MAGI2: variants seen among roughly 807,000 people sequenced by gnomAD.
MAGI2 encodes membrane-associated guanylate kinase, WW and PDZ domain-containing protein 2.
MAGI2 carries 35 observed loss-of-function variants against 133.3 expected under a neutral mutation model. The ratio of observed to expected loss-of-function variants is 0.26; its 90% CI spans 0.20 to 0.35. The LOEUF (loss-of-function observed/expected upper bound fraction) is 0.35, where lower values mean the gene tolerates loss of function less well. MAGI2 is among the 10% of genes least tolerant of loss of function. MAGI2 has a pLI of 1.00. For synonymous variants in MAGI2, 729 were observed against 710.6 expected, an observed-to-expected ratio of 1.03 and a Z score of -0.41; for missense variants, 1,636 against 1,863.4, an observed-to-expected ratio of 0.88 and a Z score of 2.25.
At chr7:78,136,154 C>T (rs867976097) in intron 16 of MAGI2, among the ~76,000 whole-genome samples, 2 of 150,028 alleles carry the variant, frequency 1.3e-5, no homozygotes, top group East Asian at 3.9e-4. Flanking sequence ...CTCACTCTGT[C>T]GCCCAGGCTG....
intron 6 of MAGI2, among the ~76,000 whole-genome samples, chr7:78,437,710 C>T (rs768166101): frequency 3.3e-5 from 5 of 152,182 alleles, no homozygotes; most frequent in Non-Finnish European, 7.3e-5. Flanking sequence ...GATAACATGA[C>T]ATGACCACTG....
At chr7:78,336,383 G>A (rs1789764124) in intron 9 of MAGI2, among the ~76,000 whole-genome samples, 1 of 152,138 alleles carries the variant, frequency 6.6e-6, no homozygotes, top group South Asian at 2.1e-4. Context: ...CACTGAAAGA[G>A]CAGTGATATC....
intron 1 of MAGI2, among the ~76,000 whole-genome samples, chr7:79,450,541 A>G (rs899363752): frequency 6.6e-6 from 1 of 152,140 alleles, no homozygotes; most frequent in Admixed American, 6.5e-5. Flanking sequence ...CTCTCTGGCT[A>G]TCATTATACA....
intron 2 of MAGI2, among the ~76,000 whole-genome samples, chr7:78,955,700 CCTTT>C (rs1212475172): frequency 1.3e-4 from 7 of 55,196 alleles, no homozygotes; most frequent in African/African-American, 2.2e-4. Context: ...TTTCTCTCTC[CCTTT>C]CTTTCTTTTT....
At chr7:78,577,364 A>G (rs1403013293) in intron 3 of MAGI2, among the ~76,000 whole-genome samples, 1 of 152,206 alleles carries the variant, frequency 6.6e-6, no homozygotes, top group Non-Finnish European at 1.5e-5. Context: ...AAAGATTAAT[A>G]TGAGTCAGCA....
At chr7:78,732,055 G>T (rs1020996045) in intron 2 of MAGI2, among the ~76,000 whole-genome samples, 2 of 149,854 alleles carry the variant, frequency 1.3e-5, no homozygotes, top group Non-Finnish European at 2.9e-5. Flanking sequence ...GCAAAAGAAA[G>T]AATGAGAGAG....
chr7:79,192,890 A>T (rs1827793875), intron 1 of MAGI2, among the ~76,000 whole-genome samples: 1 of 151,894 alleles, frequency 6.6e-6, no homozygotes, highest in African/African-American at 2.4e-5. Flanking sequence ...GGGAGAGAGC[A>T]AAACAGAGGA....
At chr7:78,772,653 G>A (rs546870879) in intron 2 of MAGI2, among the ~76,000 whole-genome samples, 4 of 152,252 alleles carry the variant, frequency 2.6e-5, no homozygotes, top group African/African-American at 9.6e-5. Context: ...ACTATTCACT[G>A]TTCTTGCTGG....
chr7:78,105,150 C>T (rs1818556999), intron 20 of MAGI2, among the ~76,000 whole-genome samples: 1 of 152,028 alleles, frequency 6.6e-6, no homozygotes. Flanking sequence ...TTTAGCTCAA[C>T]ATTGTGAAAT....
chr7:79,443,295 TG>T, intron 1 of MAGI2, among the ~76,000 whole-genome samples: 3 of 151,122 alleles, frequency 2.0e-5, no homozygotes, highest in Non-Finnish European at 4.4e-5. Flanking sequence ...CGTGTGTGTG[TG>T]TGTGTGTGTG....
chr7:78,808,623 C>A (rs760762099), intron 2 of MAGI2, among the ~76,000 whole-genome samples: 7 of 152,150 alleles, frequency 4.6e-5, no homozygotes, highest in Non-Finnish European at 1.0e-4. Flanking sequence ...AACAAAGGAA[C>A]AGAATGTGAA....
At chr7:78,518,080 T>C (rs1431256770) in intron 4 of MAGI2, 1 of 152,146 alleles carries the variant, frequency 6.6e-6, no homozygotes, top group Non-Finnish European at 1.5e-5. Flanking sequence ...AAGTTTTGGT[T>C]AAATATATAT....
chr7:79,100,986 A>G (rs756324837), intron 1 of MAGI2, among the ~76,000 whole-genome samples: 3 of 152,044 alleles, frequency 2.0e-5, no homozygotes, highest in Non-Finnish European at 2.9e-5. Flanking sequence ...ATTATGTTAC[A>G]TTGATTTTAT....
At chr7:78,314,947 G>A (rs1180785365) in intron 9 of MAGI2, among the ~76,000 whole-genome samples, 10 of 152,034 alleles carry the variant, frequency 6.6e-5, no homozygotes, top group African/African-American at 2.4e-4. Flanking sequence ...CCTTTATTAC[G>A]GGTGGACTTT....
At chr7:78,257,380 T>A (rs1793099173) in intron 9 of MAGI2, among the ~76,000 whole-genome samples, 1 of 152,180 alleles carries the variant, frequency 6.6e-6, no homozygotes, top group Non-Finnish European at 1.5e-5. Context: ...TTGGGTCCCT[T>A]GGTTTCAAAC....
intron 1 of MAGI2, among the ~76,000 whole-genome samples, chr7:79,070,910 G>C (rs1158629739): frequency 6.6e-6 from 1 of 152,166 alleles, no homozygotes; most frequent in Non-Finnish European, 1.5e-5. Context: ...GCTCAGAAGA[G>C]TTTGTTATTA....
At chr7:79,395,008 A>T (rs1039992075) in intron 1 of MAGI2, among the ~76,000 whole-genome samples, 1 of 152,200 alleles carries the variant, frequency 6.6e-6, no homozygotes, top group African/African-American at 2.4e-5. Flanking sequence ...AAATTCTGAG[A>T]AAAAATTCAG....
Position 78,256,086 on chromosome 7 carries a change from T to C in MAGI2, c.1904A>G (p.Gln635Arg). ...GQRVKQILDI[Q>R]GCPGLCEGDL... The stretch of plus-strand genomic sequence containing the variant: ...GCCTTCACACAGGCCAGGGCATCCC[T>C]GAATGTCAAGTATTTGTTTCACCCG... Residue 635 changes from glutamine (Q) to arginine (R), a missense_variant, in exon 10 of 22, where the codon CAG becomes CGG. This residue lies in a region of MAGI2 where 920 missense variants were observed against 1,093.5 expected (regional missense o/e 0.84). Coordinates refer to ENST00000354212, the MANE Select transcript of MAGI2 (RefSeq NM_012301.4). 6.2e-7 allele frequency: 1 copy of C among 1,613,702 alleles called. No individual in the cohort carries two copies. The highest frequency in any genetic ancestry group is 8.5e-7 in the Non-Finnish European group (1 of 1,179,868).
chr7:79,349,738 T>C (rs1841569056), intron 1 of MAGI2, among the ~76,000 whole-genome samples: 1 of 152,090 alleles, frequency 6.6e-6, no homozygotes. Context: ...TACATGTTTC[T>C]GCTTATGGTA....
Sources: gnomAD v4.1 joint callset for allele counts (sites outside exome capture counted in the v4.1 genomes callset) on GRCh38, gnomAD v4.1.1 for gene constraint, gnomAD v4.1.1 regional missense constraint, MANE v1.5 for transcripts, NCBI Gene and HGNC (gene_info 2026-07-23, HGNC 2026-07-21) for gene names.